Variants in CLASP1 observed in about 807,000 individuals in gnomAD.
The protein encoded by CLASP1 is cytoplasmic linker associated protein 1.
In CLASP1, 38 loss-of-function variants were observed where a neutral mutation model predicts 192.3. That is an observed-to-expected ratio of 0.20 (90% CI 0.15 to 0.26). The LOEUF is 0.26. CLASP1 is among the 10% of genes least tolerant of loss of function. CLASP1 has a pLI of 1.00. For missense variants in CLASP1, 1,433 were observed against 1,932.5 expected (o/e 0.74, Z 4.85); for synonymous variants, 691 against 712.8 (o/e 0.97, Z 0.49).
At chr2:121,631,901 G>T (rs1379351238) in intron 1 of CLASP1, among the ~76,000 whole-genome samples, 2 of 152,014 alleles carry the variant, frequency 1.3e-5, no homozygotes, top group African/African-American at 4.8e-5. Flanking sequence ...GCAAAAATTA[G>T]CTGGGCGTGG....
chr2:121,506,769 G>A (rs2093960616), intron 7 of CLASP1, among the ~76,000 whole-genome samples: 2 of 152,228 alleles, frequency 1.3e-5, no homozygotes, highest in Admixed American at 1.3e-4. Flanking sequence ...GTAGAGGCTG[G>A]GAGACTTACT....
chr2:121,396,225 G>A (rs2075265251), intron 30 of CLASP1, among the ~76,000 whole-genome samples: 1 of 152,156 alleles, frequency 6.6e-6, no homozygotes, highest in Admixed American at 6.5e-5. Flanking sequence ...GTGAAGGTGA[G>A]GAGTTAAGTA....
At chr2:121,392,755 A>T (rs1559011220) in intron 30 of CLASP1, among the ~76,000 whole-genome samples, 1 of 152,200 alleles carries the variant, frequency 6.6e-6, no homozygotes, top group Non-Finnish European at 1.5e-5. Flanking sequence ...GTGCATTAAG[A>T]AAGGTCTAGT....
Position 121,496,627 on chromosome 2 carries a change from G to A in CLASP1, c.712+6540C>T, listed in dbSNP as rs964928981. 2.0e-5 allele frequency among the ~76,000 whole-genome samples: 3 copies of A among 152,182 alleles called. No homozygotes were observed. The East Asian group carries it at 5.8e-4, about 29-fold the overall frequency. On this transcript the variant is annotated intron_variant, in intron 8 of 39. Transcript: ENST00000263710. ...ATCGCAGAGAACACTGGGACTAAGA[G>A]GCCAGCCTGCAAGGTATCTGAGCCT...
At chr2:121,526,681 T>A (rs1330489560) in intron 5 of CLASP1, among the ~76,000 whole-genome samples, 1 of 152,236 alleles carries the variant, frequency 6.6e-6, no homozygotes, top group East Asian at 1.9e-4. Context: ...CAATTTTGTT[T>A]TTAAAAATAA....
At chr2:121,496,256 G>C (rs1399103952) in intron 8 of CLASP1, among the ~76,000 whole-genome samples, 2 of 152,196 alleles carry the variant, frequency 1.3e-5, no homozygotes, top group Non-Finnish European at 2.9e-5. Context: ...GAAAGACACA[G>C]ATCATTTAAT....
At chr2:121,365,277 G>T in exon 36 of CLASP1, 1 of 1,612,130 alleles carries the variant, frequency 6.2e-7, no homozygotes, top group South Asian at 1.1e-5. Context: ...CAGAATGGTC[G>T]ATGGGCACTG....
rs925932650 is a variant in CLASP1 at position 121,474,908 on chromosome 2, A to G, written c.713-4948T>C. Among the ~76,000 whole-genome samples the G allele has an allele frequency of 3.3e-5, 5 of 152,196 alleles. No individual in the cohort carries two copies. In the East Asian group the frequency reaches 7.7e-4, roughly 23 times the overall value. On this transcript the variant is annotated intron_variant, in intron 8 of 39. Transcript: ENST00000263710. ...AGCAACTAACTATAGGGATAGTGAG[A>G]AGGAGGACGCAAGAATTAAGCAAAG...
intron 2 of CLASP1, among the ~76,000 whole-genome samples, chr2:121,573,823 G>A (rs1371822657): frequency 2.6e-5 from 4 of 152,024 alleles, no homozygotes; most frequent in Non-Finnish European, 5.9e-5. Context: ...ACTTTAAAAG[G>A]GAGAAGGTAG....
chr2:121,621,180 T>G (rs1332073587), intron 1 of CLASP1, among the ~76,000 whole-genome samples: 1 of 151,894 alleles, frequency 6.6e-6, no homozygotes, highest in Admixed American at 6.6e-5. Flanking sequence ...GCGATCCCCC[T>G]ACTGTACCCC....
chr2:121,531,215 G>C (rs142096801), intron 2 of CLASP1, among the ~76,000 whole-genome samples: 31 of 152,216 alleles, frequency 2.0e-4, no homozygotes, highest in Admixed American at 9.2e-4. Flanking sequence ...CAACTGTTCT[G>C]TAACTTCCTT....
At chr2:121,529,723 C>T (rs768556346) in intron 3 of CLASP1, among the ~76,000 whole-genome samples, 1 of 152,136 alleles carries the variant, frequency 6.6e-6, no homozygotes, top group Non-Finnish European at 1.5e-5. Context: ...TTTGTAATGA[C>T]ATTTACAATC....
At chr2:121,536,295 C>G (rs61604142) in intron 2 of CLASP1, among the ~76,000 whole-genome samples, 31,294 of 147,122 alleles carry the variant, frequency 0.21, 6,249 homozygotes, top group African/African-American at 0.53. Context: ...GCAGGAGAAT[C>G]GCATGAACCT....
intron 9 of CLASP1, among the ~76,000 whole-genome samples, chr2:121,463,493 C>A (rs1032318169): frequency 3.3e-5 from 5 of 152,062 alleles, no homozygotes; most frequent in African/African-American, 9.7e-5. Flanking sequence ...AAAGGATGAC[C>A]GTCACTCACT....
chr2:121,646,947 G>A (rs2073276377), intron 1 of CLASP1, among the ~76,000 whole-genome samples: 1 of 151,270 alleles, frequency 6.6e-6, no homozygotes, highest in African/African-American at 2.4e-5. Flanking sequence ...GGCTGAGGGA[G>A]GAGAATGGCA....
chr2:121,530,453 T>C (rs2289192), intron 2 of CLASP1, 128 bp from the exon 3 acceptor site: 80,117 of 642,920 alleles, frequency 0.12, 9,926 homozygotes, highest in African/African-American at 0.5. Flanking sequence ...GCATGCCGAC[T>C]GGAGGACCAA....
At chr2:121,608,006 G>A (rs187842257) in intron 1 of CLASP1, among the ~76,000 whole-genome samples, 20 of 152,200 alleles carry the variant, frequency 1.3e-4, no homozygotes, top group Admixed American at 7.2e-4. Flanking sequence ...AGCATTCAAC[G>A]GGACTTAGTA....
At chr2:121,648,159 G>A (rs540393698) in intron 1 of CLASP1, among the ~76,000 whole-genome samples, 1 of 152,276 alleles carries the variant, frequency 6.6e-6, no homozygotes, top group South Asian at 2.1e-4. Flanking sequence ...CCAATATCCA[G>A]GATCCCTCAT....
Position 121,548,085 on chromosome 2 carries a change from A to C in CLASP1, c.196-17760T>G, listed in dbSNP as rs964698775. Reference sequence around the variant, plus strand: ...CAGGCTGAGCTGGCTGAATGACAAAAATAGAATTTAGAATATGGATAGGAA... The same window carrying C: ...CAGGCTGAGCTGGCTGAATGACAAACATAGAATTTAGAATATGGATAGGAA... On this transcript the variant is annotated intron_variant, in intron 2 of 39. Transcript: ENST00000263710. Among the ~76,000 whole-genome samples, 4 of 152,358 alleles carry C rather than the reference A, an allele frequency of 2.6e-5. No individual in the cohort carries two copies. In the East Asian group the frequency reaches 7.7e-4, roughly 29 times the overall value.
Sources: allele counts gnomAD v4.1 joint callset (sites outside exome capture counted in the v4.1 genomes callset), GRCh38; gene constraint gnomAD v4.1.1; transcripts MANE v1.5; gene names NCBI Gene and HGNC (gene_info 2026-07-23, HGNC 2026-07-21).